Variants in RAD51B observed in about 807,000 individuals in gnomAD.
RAD51B encodes the protein DNA repair protein RAD51 homolog 2.
A neutral mutation model predicts 42.2 loss-of-function variants in RAD51B; 38 were observed. That is an observed-to-expected ratio of 0.90 (90% CI 0.70 to 1.18). RAD51B has a LOEUF of 1.18. Ranked by LOEUF, RAD51B falls within the 50% of genes most tolerant of loss-of-function variation. The probability of loss-of-function intolerance (pLI) is 0.00; values close to 1 mark genes in which losing one functional copy is unlikely to be tolerated. For synonymous variants in RAD51B, 154 were observed against 145.2 expected (o/e 1.06, Z -0.43); for missense variants, 373 against 400.7 (o/e 0.93, Z 0.59).
chr14:67,914,921 C>T (rs2044101838), intron 7 of RAD51B, among the ~76,000 whole-genome samples: 1 of 152,134 alleles, frequency 6.6e-6, no homozygotes, highest in Admixed American at 6.5e-5. Flanking sequence ...GGGGATGCCA[C>T]CTCTTCCAAA....
At chr14:68,501,763 A>C (rs1216888985) in intron 10 of RAD51B, among the ~76,000 whole-genome samples, 2 of 152,270 alleles carry the variant, frequency 1.3e-5, no homozygotes, top group East Asian at 3.8e-4. Context: ...AGTTCTTTGG[A>C]AATGTTGTCA....
chr14:68,212,870 G>A (rs956209037), intron 7 of RAD51B, among the ~76,000 whole-genome samples: 32 of 152,182 alleles, frequency 2.1e-4, no homozygotes, highest in African/African-American at 7.2e-4. Context: ...TATTGGTTAT[G>A]GAAATGTCAA....
intron 11 of RAD51B, among the ~76,000 whole-genome samples, chr14:68,681,201 C>T (rs965267513): frequency 6.6e-6 from 1 of 152,118 alleles, no homozygotes; most frequent in Non-Finnish European, 1.5e-5. Context: ...GCTGCCTTTA[C>T]CTAGGGCATT....
intron 7 of RAD51B, among the ~76,000 whole-genome samples, chr14:67,982,578 C>T (rs756113581): frequency 4.0e-4 from 61 of 152,092 alleles, no homozygotes; most frequent in Non-Finnish European, 4.4e-4. Flanking sequence ...TTTCATTTTG[C>T]GTGGAAGTTC....
Position 67,863,150 on chromosome 14 carries a change from A to ATT in RAD51B, c.316-1830_316-1829dup, listed in dbSNP as rs5809367. On this transcript the variant is annotated intron_variant, in intron 4 of 10. Transcript: ENST00000471583. ...CCAGCATATAGTTTTAAATATGGGA[A>ATT]TTTTTTTTTTTTTTTTTTTTTTTTG... 3.6e-3 allele frequency among the ~76,000 whole-genome samples: 267 copies of ATT among 73,976 alleles called. 6 individuals are homozygous for ATT. Among genetic ancestry groups the ATT allele is most frequent in the African/African-American group, 0.011 (237 of 21,598 alleles). The allele number at this position is 73,976 out of a possible 152,430, so 48.5% of individuals were successfully genotyped here.
At chr14:67,974,445 C>G (rs1023887024) in intron 7 of RAD51B, among the ~76,000 whole-genome samples, 2 of 152,022 alleles carry the variant, frequency 1.3e-5, no homozygotes, top group Admixed American at 6.6e-5. Flanking sequence ...GATGAATAAA[C>G]TAAAGGTTCC....
chr14:68,630,181 A>ACCG (rs72518694), intron 10 of RAD51B, among the ~76,000 whole-genome samples: 3 of 151,246 alleles, frequency 2.0e-5, no homozygotes, highest in Non-Finnish European at 3.0e-5. Flanking sequence ...GACTGTGCTC[A>ACCG]CAAGCTTAGA....
At chr14:67,822,489 C>T (rs1354997580) in intron 1 of RAD51B, among the ~76,000 whole-genome samples, 4 of 152,130 alleles carry the variant, frequency 2.6e-5, no homozygotes, top group African/African-American at 9.7e-5. Flanking sequence ...CCAGCTTGGG[C>T]AACATGGCAA....
chr14:68,269,635 G>T (rs1172982824), intron 7 of RAD51B, among the ~76,000 whole-genome samples: 1 of 152,110 alleles, frequency 6.6e-6, no homozygotes, highest in Non-Finnish European at 1.5e-5. Flanking sequence ...TCATTTCCTG[G>T]TTTTCTTGTT....
intron 8 of RAD51B, among the ~76,000 whole-genome samples, chr14:68,349,879 A>G (rs1026241695): frequency 3.3e-5 from 5 of 152,200 alleles, no homozygotes; most frequent in Non-Finnish European, 5.9e-5. Context: ...GCTAAGTAAA[A>G]TCTATTAATA....
At chr14:68,630,113 G>C (rs944618535) in intron 10 of RAD51B, among the ~76,000 whole-genome samples, 3 of 152,330 alleles carry the variant, frequency 2.0e-5, no homozygotes, top group African/African-American at 7.2e-5. Flanking sequence ...TATTCAGGTA[G>C]CTTTGAGGAG....
chr14:68,367,124 A>G (rs963606964), intron 8 of RAD51B, among the ~76,000 whole-genome samples: 1 of 152,238 alleles, frequency 6.6e-6, no homozygotes, highest in Non-Finnish European at 1.5e-5. Flanking sequence ...ACTACAGACT[A>G]CTGTGGAATC....
chr14:68,209,324 G>A (rs1771575044), intron 7 of RAD51B, among the ~76,000 whole-genome samples: 1 of 152,268 alleles, frequency 6.6e-6, no homozygotes, highest in Admixed American at 6.5e-5. Context: ...GGCTGACAAA[G>A]ACATCCTTTC....
At chr14:67,866,414 A>G (rs1206974598) in intron 5 of RAD51B, among the ~76,000 whole-genome samples, 1 of 152,224 alleles carries the variant, frequency 6.6e-6, no homozygotes, top group Admixed American at 6.6e-5. Flanking sequence ...TAACAAGCCA[A>G]GTAGGTATTA....
chr14:68,663,620 T>C (rs1381334089), intron 11 of RAD51B, among the ~76,000 whole-genome samples: 2 of 152,248 alleles, frequency 1.3e-5, no homozygotes, highest in Non-Finnish European at 2.9e-5. Context: ...CATTTGAGTG[T>C]GCCGTCTGTC....
downstream of RAD51B, among the ~76,000 whole-genome samples, chr14:68,613,445 T>C (rs1473593079): frequency 1.4e-5 from 2 of 144,408 alleles, no homozygotes; most frequent in Non-Finnish European, 3.0e-5. Context: ...TTAGTGGAAG[T>C]TGTTCTTTTT....
At chr14:67,972,969 G>T (rs999849842) in intron 7 of RAD51B, among the ~76,000 whole-genome samples, 4 of 152,098 alleles carry the variant, frequency 2.6e-5, no homozygotes, top group African/African-American at 9.7e-5. Flanking sequence ...CCCAACAAGG[G>T]TAGGGATTGG....
At chr14:67,837,178 C>A (rs1004704503) in intron 4 of RAD51B, among the ~76,000 whole-genome samples, 1 of 152,024 alleles carries the variant, frequency 6.6e-6, no homozygotes, top group Non-Finnish European at 1.5e-5. Flanking sequence ...CACGCACACA[C>A]ACACACATCC....
At chr14:67,867,622 A>T (rs2042371230) in intron 5 of RAD51B, among the ~76,000 whole-genome samples, 1 of 152,172 alleles carries the variant, frequency 6.6e-6, no homozygotes, top group Non-Finnish European at 1.5e-5. Context: ...AAGTGAGGGG[A>T]GAAGATCGTC....
Sources: allele counts gnomAD v4.1 joint callset (sites outside exome capture counted in the v4.1 genomes callset), GRCh38; gene constraint gnomAD v4.1.1; transcripts MANE v1.5; gene names NCBI Gene and HGNC (gene_info 2026-07-23, HGNC 2026-07-21).